The following SKIC3 variants were observed in gnomAD, a reference collection of about 807,000 sequenced individuals.
SKIC3 encodes the protein superkiller complex protein 3.
chr5:95,498,402 A>C, the SKIC3 span: 1 of 1,614,236 alleles, frequency 6.2e-7, no homozygotes, highest in Non-Finnish European at 8.5e-7. Context: ...GTTTTTGCAC[A>C]GCCACACTGC....
the SKIC3 span, among the ~76,000 whole-genome samples, chr5:95,511,815 G>C: frequency 1.1e-3 from 164 of 152,254 alleles, no homozygotes; most frequent in African/African-American, 3.6e-3. Flanking sequence ...CTTTCCTGTT[G>C]AGAATTTTGG....
chr5:95,521,537 A>G, the SKIC3 span: 1 of 152,154 alleles, frequency 6.6e-6, no homozygotes, highest in Non-Finnish European at 1.5e-5. Flanking sequence ...GGAAGAAAGT[A>G]AGCATATATA....
At chr5:95,491,517 G>A in the SKIC3 span, among the ~76,000 whole-genome samples, 3 of 152,184 alleles carry the variant, frequency 2.0e-5, no homozygotes, top group Non-Finnish European at 4.4e-5. Flanking sequence ...AAGCAGAAAA[G>A]TCACTTCATC....
At chr5:95,470,082 A>G in the SKIC3 span, among the ~76,000 whole-genome samples, 1 of 149,608 alleles carries the variant, frequency 6.7e-6, no homozygotes, top group Non-Finnish European at 1.5e-5. Context: ...GGTTCCCGCC[A>G]TTCTCCTGCC....
At chr5:95,498,413 G>A in the SKIC3 span, 13 of 1,614,134 alleles carry the variant, frequency 8.1e-6, no homozygotes, top group Admixed American at 5.0e-5. Context: ...GCCACACTGC[G>A]GCCTTGGAGT....
chr5:95,515,033 G>A, the SKIC3 span: 1 of 1,084,792 alleles, frequency 9.2e-7, no homozygotes, highest in African/African-American at 1.6e-5. Context: ...AAATATGTAT[G>A]AACATAAAAT....
At chr5:95,525,362 T>C in the SKIC3 span, 2 of 1,573,250 alleles carry the variant, frequency 1.3e-6, no homozygotes, top group East Asian at 4.5e-5. Context: ...AGAACTAAGA[T>C]GTAAATGGTT....
At chr5:95,537,465 C>T in the SKIC3 span, among the ~76,000 whole-genome samples, 2 of 152,234 alleles carry the variant, frequency 1.3e-5, no homozygotes, top group African/African-American at 4.8e-5. Context: ...ATAGCTGCTA[C>T]TGCTCACATA....
the SKIC3 span, chr5:95,482,357 G>C: frequency 1.8e-6 from 2 of 1,093,240 alleles, no homozygotes; most frequent in South Asian, 2.5e-5. Context: ...TTGAAACTGA[G>C]AGATAACATG....
At chr5:95,492,112 C>A in the SKIC3 span, among the ~76,000 whole-genome samples, 1 of 152,086 alleles carries the variant, frequency 6.6e-6, no homozygotes, top group Admixed American at 6.6e-5. Flanking sequence ...AAATGCATAC[C>A]TCCATATTAT....
the SKIC3 span, chr5:95,543,162 G>A: frequency 6.4e-7 from 1 of 1,550,568 alleles, no homozygotes; most frequent in Non-Finnish European, 8.8e-7. Context: ...CCATAATACA[G>A]AAAAAAAAAA....
At chr5:95,523,952 C>T in the SKIC3 span, 5 of 1,071,148 alleles carry the variant, frequency 4.7e-6, no homozygotes, top group South Asian at 1.6e-5. Context: ...ATTAAACATA[C>T]AAAAATATGC....
the SKIC3 span, among the ~76,000 whole-genome samples, chr5:95,473,276 T>C: frequency 1.3e-5 from 2 of 152,090 alleles, no homozygotes; most frequent in South Asian, 4.1e-4. Context: ...CCTGTTATTT[T>C]TGTTGTTATT....
At chr5:95,546,360 AAAAC>A in the SKIC3 span, among the ~76,000 whole-genome samples, 1 of 151,578 alleles carries the variant, frequency 6.6e-6, no homozygotes, top group East Asian at 1.9e-4. Context: ...AACAAAAAAA[AAAAC>A]AAAGAAAGAA....
chr5:95,467,789 A>C, the SKIC3 span: 11 of 1,581,996 alleles, frequency 7.0e-6, no homozygotes, highest in Non-Finnish European at 7.7e-6. Flanking sequence ...CAATAACTCT[A>C]AAACCCTTAG....
the SKIC3 span, among the ~76,000 whole-genome samples, chr5:95,488,954 G>A: frequency 4.6e-5 from 7 of 152,180 alleles, no homozygotes; most frequent in African/African-American, 1.7e-4. Flanking sequence ...GAAAATATAT[G>A]GATTAGCTGA....
the SKIC3 span, among the ~76,000 whole-genome samples, chr5:95,501,509 TCAAA>T: frequency 2.0e-5 from 3 of 151,930 alleles, no homozygotes; most frequent in East Asian, 5.8e-4. Flanking sequence ...AGAATGAAAA[TCAAA>T]CAAAATAATG....
At chr5:95,529,483 C>A in the SKIC3 span, 1 of 314,958 alleles carries the variant, frequency 3.2e-6, no homozygotes, top group African/African-American at 2.1e-5. Flanking sequence ...TTGCTAGGCC[C>A]TTCTACAATC....
the SKIC3 span, among the ~76,000 whole-genome samples, chr5:95,518,961 C>T: frequency 1.3e-3 from 202 of 151,960 alleles, 1 homozygote; most frequent in African/African-American, 4.4e-3. Context: ...CACATCCTTG[C>T]CAGCCTTTAT....
Sources: gnomAD v4.1 joint callset for allele counts (sites outside exome capture counted in the v4.1 genomes callset) on GRCh38, gnomAD v4.1.1 for gene constraint, MANE v1.5 for transcripts, NCBI Gene and HGNC (gene_info 2026-07-23, HGNC 2026-07-21) for gene names.